Variants in POLR3E observed in about 807,000 individuals in gnomAD.
POLR3E encodes RNA polymerase III subunit E.
In POLR3E, 41 loss-of-function variants were observed where a neutral mutation model predicts 96.6. That is an observed-to-expected ratio of 0.42 (90% confidence interval 0.33 to 0.55). The LOEUF (loss-of-function observed/expected upper bound fraction) is 0.55, where lower values mean the gene tolerates loss of function less well. Ranked by LOEUF, POLR3E falls within the 20% of genes least tolerant of loss-of-function variation. The probability of loss-of-function intolerance (pLI) is 0.06; values close to 1 mark genes in which losing one functional copy is unlikely to be tolerated. For synonymous variants in POLR3E, 396 were observed against 383.6 expected, an observed-to-expected ratio of 1.03 and a Z score of -0.38; for missense variants, 849 against 952.1, an observed-to-expected ratio of 0.89 and a Z score of 1.43.
chr16:22,325,734 T>TGA, intron 17 of POLR3E, 27 bp from the exon 18 acceptor site: 1 of 1,527,982 alleles, frequency 6.5e-7, no homozygotes, highest in Admixed American at 2.1e-5. Flanking sequence ...TGTGCCCTCC[T>TGA]GAGCAGTGCT....
chr16:22,315,337 C>T (rs2048332008), intron 9 of POLR3E, 129 bp downstream of exon 9: 1 of 1,010,934 alleles, frequency 9.9e-7, no homozygotes, highest in Non-Finnish European at 1.4e-6. Context: ...AGGATCGAGT[C>T]CTGTGGGCAG....
At chr16:22,299,776 G>A (rs1221976490) in intron 1 of POLR3E, among the ~76,000 whole-genome samples, 2 of 152,068 alleles carry the variant, frequency 1.3e-5, no homozygotes, top group Non-Finnish European at 2.9e-5. Context: ...GCAGTGGTGT[G>A]ATCATAGCTC....
chr16:22,315,593 C>G (rs1305211555), intron 9 of POLR3E, among the ~76,000 whole-genome samples: 2 of 152,210 alleles, frequency 1.3e-5, no homozygotes, highest in African/African-American at 4.8e-5. Flanking sequence ...GTTCCCAGCA[C>G]CACCTGCCCA....
Position 22,322,411 on chromosome 16 carries a change from C to T in POLR3E, c.987-439C>T, listed in dbSNP as rs1053706064. On this transcript the variant is annotated intron_variant, in intron 13 of 20. Transcript: ENST00000299853. This position sits in a 1 kb window ranked among gnomAD's most constrained non-coding sequence, Gnocchi z 5.2. ...AACATGCCTCCCCTGCCTCTGACCT[C>T]GGTTCATGCCCACCTGCCCCTTTCA... Among the ~76,000 whole-genome samples the T allele has an allele frequency of 3.3e-5, 5 of 152,144 alleles. No individual in the cohort carries two copies. The highest frequency in any genetic ancestry group is 3.9e-4 in the East Asian group (2 of 5,186).
chr16:22,334,913 G>C lies in POLR3E; in HGVS notation c.*1213G>C, dbSNP rs1471932859. On this transcript the variant is annotated 3_prime_UTR_variant, in exon 21 of 21. Transcript: ENST00000299853. Reference sequence around the variant, plus strand: ...CTAATTGTCTGAAGGTTTAAATGACGGTCTATGCTATTTCCCCACTCCCCC... The same window carrying C: ...CTAATTGTCTGAAGGTTTAAATGACCGTCTATGCTATTTCCCCACTCCCCC... 2 of 152,088 alleles carry C rather than the reference G, an allele frequency of 1.3e-5. No homozygotes were observed. Among genetic ancestry groups the C allele is most frequent in the South Asian group, 2.1e-4 (1 of 4,830 alleles). The allele number at this position is 152,088 out of a possible 1,614,324, so 9.4% of individuals were successfully genotyped here. A position where few individuals can be genotyped will look rare whatever the true frequency, so the allele number is the denominator to read the frequency against.
Position 22,316,587 on chromosome 16 carries a change from C to T in POLR3E, c.643-14C>T. ...CAGCTGAGGCTCCTCTCACACCCTG[C>T]CCTCCTCCAACAGGACAGTCGCTCT... On this transcript the variant is annotated splice_polypyrimidine_tract_variant and intron_variant, in intron 9 of 20. Coordinates refer to ENST00000299853, the MANE Select transcript of POLR3E (RefSeq NM_018119.4). 1 of 1,607,460 alleles carries T rather than the reference C, an allele frequency of 6.2e-7. No individual in the cohort carries two copies. Among genetic ancestry groups the T allele is most frequent in the Non-Finnish European group, 8.5e-7 (1 of 1,174,250 alleles).
Position 22,303,639 on chromosome 16 carries a change from C to CTTTTTTTTTTTTTTTTTTTTT in POLR3E, c.36+653_36+654insTTTTTTTTTTTTTTTTTTTTT, listed in dbSNP as rs58949663. 2.8e-3 allele frequency among the ~76,000 whole-genome samples: 320 copies of CTTTTTTTTTTTTTTTTTTTTT among 114,192 alleles called. 39 individuals are homozygous for CTTTTTTTTTTTTTTTTTTTTT. The highest frequency in any genetic ancestry group is 0.014 in the African/African-American group (294 of 20,770). 74.9% of individuals were successfully genotyped at this position (114,192 alleles called of 152,430 possible). A position where few individuals can be genotyped will look rare whatever the true frequency, so the allele number is the denominator to read the frequency against. On this transcript the variant is annotated intron_variant, in intron 2 of 20. Transcript: ENST00000299853. ...TACAGGCAGTGGGAGGCAGATTTCC[C>CTTTTTTTTTTTTTTTTTTTTT]TTTTTTTTTTTTTTTTTTGGAGACA...
At chr16:22,301,006 G>A (rs1000536740) in intron 1 of POLR3E, among the ~76,000 whole-genome samples, 4 of 152,046 alleles carry the variant, frequency 2.6e-5, no homozygotes, top group African/African-American at 4.8e-5. Context: ...CATGGTGATA[G>A]ACACCTGCTA....
intron 19 of POLR3E, chr16:22,331,845 A>G: frequency 2.1e-6 from 1 of 469,056 alleles, no homozygotes; most frequent in African/African-American, 2.0e-5. Context: ...TTCCAGACAT[A>G]GCATTAATGC....
chr16:22,325,877 C>A lies in POLR3E; in HGVS notation c.1465C>A (p.Pro489Thr), dbSNP rs2141809114. 1 of 1,610,756 alleles carries A rather than the reference C, an allele frequency of 6.2e-7. No homozygotes were observed. The highest frequency in any genetic ancestry group is 1.3e-5 in the African/African-American group (1 of 75,002). The change falls in exon 18 of 21, where the codon CCT becomes ACT. Residue 489 changes from proline to threonine, a missense_variant. By Grantham distance (38) the Pro-to-Thr change is conservative. Coordinates refer to ENST00000299853, the MANE Select transcript of POLR3E (RefSeq NM_018119.4). The stretch of plus-strand genomic sequence containing the variant: ...GCGGCGGAAGGAGCAGCTGCGGGTG[C>A]CTGCGGTCCCGCCCGGTGTGCGGAT... Reference protein sequence around the residue: ...LQRRKEQLRVPAVPPGVRIKE... With the variant: ...LQRRKEQLRVTAVPPGVRIKE...
At chr16:22,316,498 C>T in intron 9 of POLR3E, 103 bp from the exon 10 acceptor site, 1 of 821,154 alleles carries the variant, frequency 1.2e-6, no homozygotes, top group African/African-American at 1.7e-5. Context: ...TGGATGTGGT[C>T]CTGTGGCTGG....
chr16:22,314,665 T>G (rs1423330343), intron 8 of POLR3E, among the ~76,000 whole-genome samples: 1 of 152,104 alleles, frequency 6.6e-6, no homozygotes, highest in African/African-American at 2.4e-5. Context: ...TGGTGAGTGT[T>G]TGGAAGCCCT....
At position 22,300,281 on chromosome 16, in the gene POLR3E, A is replaced by G. The variant is rs922553441; in HGVS notation, c.-38-2650A>G. ...TGTATGTATGTTCTGGGTTATTTAT[A>G]TGAGATGGATTTCTTACTGTGGTGG... is the stretch of plus-strand genomic sequence containing the variant. On this transcript the variant is annotated intron_variant, in intron 1 of 20. Transcript: ENST00000299853. Among the ~76,000 whole-genome samples the G allele has an allele frequency of 3.3e-5, 5 of 152,326 alleles. No individual in the cohort carries two copies. In the South Asian group the frequency reaches 1.0e-3, roughly 32 times the overall value.
intron 18 of POLR3E, chr16:22,326,705 C>T (rs984653919): frequency 4.3e-5 from 12 of 280,224 alleles, no homozygotes; most frequent in Non-Finnish European, 7.0e-5. Context: ...ATGAAATGTA[C>T]GTTTAAAGGT....
chr16:22,317,701 G>GT lies in POLR3E; in HGVS notation c.865+503dup, dbSNP rs540963840. Among the ~76,000 whole-genome samples the GT allele has an allele frequency of 1.1e-4, 16 of 151,290 alleles. 1 individual carries two copies. Among genetic ancestry groups the GT allele is most frequent in the Admixed American group, 2.6e-4 (4 of 15,162 alleles). ...TAAGGTTTTTTTAAAGGTTTTAAAG[G>GT]TTTTTTTTAAAGGTTTTGCTGTGTA... On this transcript the variant is annotated intron_variant, in intron 12 of 20. Transcript: ENST00000299853.
intron 3 of POLR3E, 126 bp from the exon 4 acceptor site, chr16:22,308,022 C>G (rs2048170267): frequency 4.3e-6 from 3 of 693,764 alleles, no homozygotes; most frequent in Non-Finnish European, 7.8e-6. Flanking sequence ...AGCTTGTACC[C>G]TTGTGGTAGG....
chr16:22,305,813 G>A (rs1261065750), intron 3 of POLR3E, among the ~76,000 whole-genome samples: 1 of 152,204 alleles, frequency 6.6e-6, no homozygotes, highest in Non-Finnish European at 1.5e-5. Context: ...TTGACCGTAT[G>A]CAGACTGTTG....
chr16:22,312,593 G>A lies in POLR3E; in HGVS notation c.365-1027G>A, dbSNP rs540134476. Among the ~76,000 whole-genome samples the A allele has an allele frequency of 1.6e-3, 250 of 152,222 alleles. 1 individual carries two copies. The highest frequency in any genetic ancestry group is 0.013 in the South Asian group (61 of 4,824). On this transcript the variant is annotated intron_variant, in intron 6 of 20. Coordinates refer to ENST00000299853, the MANE Select transcript of POLR3E (RefSeq NM_018119.4). ...TAAAAAGTACAAGGCGCGGCCGGGC[G>A]CAGTGGCTCATACCTGTAATCCCAG...
rs759590806 is a variant in POLR3E, at chr16:22,313,750, T to G, written c.472+23T>G. On this transcript the variant is annotated intron_variant, in intron 7 of 20. Transcript: ENST00000299853. The surrounding 1 kb of genome is among the most constrained non-coding windows in gnomAD (Gnocchi z 4.1). ...AGGGTGAGCCCGGGATCCCCAGCCC[T>G]GCTGCCTGCCTGCCTTCATCCTGGT... 9 of 1,499,968 alleles carry G rather than the reference T, an allele frequency of 6.0e-6. No individual in the cohort carries two copies. In the African/African-American group the frequency reaches 1.2e-4, roughly 21 times the overall value. The allele number at this position is 1,499,968 out of a possible 1,614,324, so 92.9% of individuals were successfully genotyped here. A position where few individuals can be genotyped will look rare whatever the true frequency, so the allele number is the denominator to read the frequency against.
Sources: gnomAD v4.1 joint callset for allele counts (sites outside exome capture counted in the v4.1 genomes callset) on GRCh38, gnomAD v4.1.1 for gene constraint, Gnocchi (gnomAD v3.1) non-coding constraint, MANE v1.5 for transcripts, NCBI Gene and HGNC (gene_info 2026-07-23, HGNC 2026-07-21) for gene names.